The following LDLRAD3 variants were observed in gnomAD, a reference collection of about 807,000 sequenced individuals.
LDLRAD3 encodes low density lipoprotein receptor class A domain containing 3.
Under a neutral mutation model 29.4 loss-of-function variants are expected in LDLRAD3, and 20 were observed. The observed-to-expected ratio is 0.68, with a 90% CI of 0.48 to 0.99. LDLRAD3 has a LOEUF of 0.99. LDLRAD3 is among the 50% of genes least tolerant of loss of function. LDLRAD3 has a pLI of 0.00. For synonymous variants in LDLRAD3, 157 were observed against 192.7 expected (o/e 0.81, Z 1.53); for missense variants, 420 against 454.3 (o/e 0.92, Z 0.69).
chr11:35,948,614 C>G (rs916315942), intron 1 of LDLRAD3, among the ~76,000 whole-genome samples: 2 of 152,206 alleles, frequency 1.3e-5, no homozygotes, highest in African/African-American at 4.8e-5. Flanking sequence ...TTGCTCGTCA[C>G]ATCATTGGCT....
chr11:36,114,323 A>C (rs1853645752), intron 4 of LDLRAD3, among the ~76,000 whole-genome samples: 1 of 152,156 alleles, frequency 6.6e-6, no homozygotes. Flanking sequence ...GCCAACCGGG[A>C]GAAATCTGCC....
chr11:36,080,520 C>T (rs1019356944), intron 2 of LDLRAD3, among the ~76,000 whole-genome samples: 1 of 152,190 alleles, frequency 6.6e-6, no homozygotes, highest in African/African-American at 2.4e-5. Flanking sequence ...TGCCGGGCCT[C>T]ACCCGGTGCT....
In LDLRAD3 at chr11:36,229,221, GCCGA is replaced by G. The variant is rs1367809054; in HGVS notation, c.865_868del (p.Asp289CysfsTer23). On this transcript the variant is annotated frameshift_variant, in exon 6 of 6. Coordinates refer to ENST00000315571, the MANE Select transcript of LDLRAD3 (RefSeq NM_174902.4). LOFTEE classifies it high-confidence loss of function. ...TTCTGACACGGAATCTCTGAACCAA[GCCGA>G]CCTGCCCCCCTACCGCTCCCGGTCC... The G allele has an allele frequency of 1.2e-6, 2 of 1,613,892 alleles. No homozygotes were observed. Among genetic ancestry groups the G allele is most frequent in the Non-Finnish European group, 1.7e-6 (2 of 1,179,994 alleles).
chr11:36,006,435 G>T (rs529665594), intron 1 of LDLRAD3, among the ~76,000 whole-genome samples: 1 of 152,206 alleles, frequency 6.6e-6, no homozygotes, highest in Non-Finnish European at 1.5e-5. Context: ...TAGTGAAAGC[G>T]CTGAGCTGTG....
At chr11:35,949,490 C>G (rs1383372867) in intron 1 of LDLRAD3, among the ~76,000 whole-genome samples, 1 of 152,192 alleles carries the variant, frequency 6.6e-6, no homozygotes, top group Non-Finnish European at 1.5e-5. Flanking sequence ...CCCTTTCCCT[C>G]CCCATAATTC....
intron 4 of LDLRAD3, among the ~76,000 whole-genome samples, chr11:36,153,113 G>A (rs558085479): frequency 6.6e-6 from 1 of 152,130 alleles, no homozygotes; most frequent in East Asian, 1.9e-4. Flanking sequence ...CAACAAAGGG[G>A]TTAGTAACAC....
chr11:36,142,184 C>A (rs1262019601), intron 4 of LDLRAD3, among the ~76,000 whole-genome samples: 2 of 152,164 alleles, frequency 1.3e-5, no homozygotes, highest in Non-Finnish European at 2.9e-5. Context: ...TTGGGACACT[C>A]TGAATGCAGT....
chr11:36,033,548 G>T (rs535985719), intron 1 of LDLRAD3, among the ~76,000 whole-genome samples: 1 of 152,312 alleles, frequency 6.6e-6, no homozygotes, highest in Non-Finnish European at 1.5e-5. Context: ...GCTTGCCTTG[G>T]AGGAGCTAAC....
chr11:36,039,556 A>G (rs1034475485), intron 2 of LDLRAD3, among the ~76,000 whole-genome samples: 1 of 152,016 alleles, frequency 6.6e-6, no homozygotes, highest in Non-Finnish European at 1.5e-5. Context: ...GTGCCTGTAT[A>G]CAGTAAGTGG....
At chr11:36,225,506 T>C (rs1268221924) in intron 4 of LDLRAD3, among the ~76,000 whole-genome samples, 2 of 152,088 alleles carry the variant, frequency 1.3e-5, no homozygotes, top group African/African-American at 4.8e-5. Flanking sequence ...AGGGGTGGGA[T>C]GTGTACCAGA....
At position 36,037,862 on chromosome 11, in the gene LDLRAD3, A is replaced by T. The variant is rs1399235822; in HGVS notation, c.193+1613A>T. Among the ~76,000 whole-genome samples, 6 of 152,228 alleles carry T rather than the reference A, an allele frequency of 3.9e-5. No homozygotes were observed. The East Asian group carries it at 9.7e-4, about 25-fold the overall frequency. ...TATTTCATACTGCTTGTTGCATATG[A>T]TCTTTCTGAATTGATCACTATACAC... is the stretch of plus-strand genomic sequence containing the variant. On this transcript the variant is annotated intron_variant, in intron 2 of 5. Transcript: ENST00000315571.
At chr11:36,108,414 T>C (rs890310655) in intron 4 of LDLRAD3, among the ~76,000 whole-genome samples, 5 of 144,966 alleles carry the variant, frequency 3.4e-5, no homozygotes, top group African/African-American at 1.3e-4. Flanking sequence ...TGAAGAACGG[T>C]AATAGGGAAC....
chr11:35,948,247 T>C (rs1315055359), intron 1 of LDLRAD3, among the ~76,000 whole-genome samples: 1 of 152,248 alleles, frequency 6.6e-6, no homozygotes, highest in African/African-American at 2.4e-5. Context: ...GTGATGGAAC[T>C]GTTTTTAGCT....
intron 4 of LDLRAD3, among the ~76,000 whole-genome samples, chr11:36,167,463 T>A (rs1412673404): frequency 6.6e-6 from 1 of 151,126 alleles, no homozygotes; most frequent in African/African-American, 2.4e-5. Context: ...CCAATATGTC[T>A]CATGTCCCTG....
At chr11:36,222,617 G>A (rs757076080) in intron 4 of LDLRAD3, among the ~76,000 whole-genome samples, 2 of 152,068 alleles carry the variant, frequency 1.3e-5, no homozygotes, top group African/African-American at 2.4e-5. Context: ...CTGGAGGAGG[G>A]GATTTTTTTG....
chr11:36,159,812 G>A (rs1227151020), intron 4 of LDLRAD3, among the ~76,000 whole-genome samples: 1 of 151,784 alleles, frequency 6.6e-6, no homozygotes, highest in Non-Finnish European at 1.5e-5. Context: ...GGTGGCAAAG[G>A]CCTATGACCT....
intron 2 of LDLRAD3, among the ~76,000 whole-genome samples, chr11:36,076,944 T>C (rs1374665064): frequency 6.6e-6 from 1 of 152,110 alleles, no homozygotes; most frequent in Non-Finnish European, 1.5e-5. Flanking sequence ...AGTGTGGTGG[T>C]GTTATTTACT....
chr11:36,090,535 A>G (rs1422434077), intron 3 of LDLRAD3, among the ~76,000 whole-genome samples: 4 of 152,156 alleles, frequency 2.6e-5, no homozygotes, highest in Non-Finnish European at 5.9e-5. Context: ...GTTCCCCGGA[A>G]AAGGCAGGGT....
chr11:36,025,550 G>T (rs948623858), intron 1 of LDLRAD3, among the ~76,000 whole-genome samples: 1 of 151,704 alleles, frequency 6.6e-6, no homozygotes, highest in Admixed American at 6.6e-5. Flanking sequence ...CACCACTCCC[G>T]GCTAATTTTT....
Sources: allele counts gnomAD v4.1 joint callset (sites outside exome capture counted in the v4.1 genomes callset), GRCh38; gene constraint gnomAD v4.1.1; transcripts MANE v1.5; gene names NCBI Gene and HGNC (gene_info 2026-07-23, HGNC 2026-07-21).